The following DMXL1 variants were observed in gnomAD, a reference collection of about 807,000 sequenced individuals.
The protein encoded by DMXL1 is Dmx like 1.
DMXL1 carries 99 observed loss-of-function variants against 319.2 expected under a neutral mutation model. The observed-to-expected ratio is 0.31, with a 90% confidence interval of 0.26 to 0.37. The LOEUF is 0.37. Among genes scored for constraint, DMXL1 ranks in the 10% least tolerant of loss-of-function variants. The pLI is 1.00. For synonymous variants in DMXL1, 1,385 were observed against 1,235.2 expected, an observed-to-expected ratio of 1.12 and a Z score of -2.54; for missense variants, 3,745 against 3,595.6, an observed-to-expected ratio of 1.04 and a Z score of -1.06.
intron 1 of DMXL1, among the ~76,000 whole-genome samples, chr5:119,085,771 AG>A (rs1753223967): frequency 6.6e-6 from 1 of 152,182 alleles, no homozygotes; most frequent in African/African-American, 2.4e-5. Flanking sequence ...CATATCTTAG[AG>A]GAAAAATCTT....
chr5:119,075,440 T>A (rs771616329), intron 1 of DMXL1, among the ~76,000 whole-genome samples: 1 of 151,882 alleles, frequency 6.6e-6, no homozygotes, highest in Admixed American at 6.6e-5. Flanking sequence ...GGTTTCATCA[T>A]GTTGGCCAGG....
intron 5 of DMXL1, among the ~76,000 whole-genome samples, chr5:119,113,198 T>C (rs1760054094): frequency 6.6e-6 from 1 of 152,170 alleles, no homozygotes; most frequent in Non-Finnish European, 1.5e-5. Flanking sequence ...TGCACACATA[T>C]ACACATCTTT....
At chr5:119,138,825 G>A (rs549008819) in intron 13 of DMXL1, 1 of 152,316 alleles carries the variant, frequency 6.6e-6, no homozygotes, top group African/African-American at 2.4e-5. Context: ...GTGACAGAGA[G>A]AGACACCATC....
At chr5:119,171,535 A>G (rs1275555381) in intron 24 of DMXL1, among the ~76,000 whole-genome samples, 4 of 151,764 alleles carry the variant, frequency 2.6e-5, no homozygotes, top group Non-Finnish European at 5.9e-5. Flanking sequence ...GTAGGGTGAC[A>G]GACTTCTTAT....
At chr5:119,162,821 T>G (rs1772559123) in intron 19 of DMXL1, among the ~76,000 whole-genome samples, 1 of 152,224 alleles carries the variant, frequency 6.6e-6, no homozygotes, top group Non-Finnish European at 1.5e-5. Context: ...TAATAGTCCA[T>G]TCACAATGTA....
At chr5:119,117,889 T>G (rs185090097) in intron 7 of DMXL1, among the ~76,000 whole-genome samples, 1 of 152,372 alleles carries the variant, frequency 6.6e-6, no homozygotes, top group East Asian at 1.9e-4. Flanking sequence ...TCATTTACTT[T>G]AACTCACTGA....
intron 19 of DMXL1, among the ~76,000 whole-genome samples, chr5:119,158,332 CTT>C (rs1469159811): frequency 6.6e-6 from 1 of 150,600 alleles, no homozygotes; most frequent in Admixed American, 6.6e-5. Flanking sequence ...ATTTTGTATC[CTT>C]CATGTTTAAT....
Position 119,102,022 on chromosome 5 carries a change from TTTC to T in DMXL1, c.285+22_285+24del, listed in dbSNP as rs1757389811. ...GAAAAATTTGGTCAGTAATTTATGA[TTTC>T]TTCTTTTAGGAATTGAAATGTTTTA... On this transcript the variant is annotated intron_variant, in intron 3 of 43. Transcript: ENST00000539542. 2.0e-6 allele frequency: 3 copies of T among 1,492,992 alleles called. No individual in the cohort carries two copies. The highest frequency in any genetic ancestry group is 1.4e-5 in the African/African-American group (1 of 72,038). The allele number at this position is 1,492,992 out of a possible 1,614,324, so 92.5% of individuals were successfully genotyped here. A position where few individuals can be genotyped will look rare whatever the true frequency, so the allele number is the denominator to read the frequency against.
chr5:119,210,757 G>GTTTTTTTTTTTTTTTTTTTTGT, intron 34 of DMXL1, among the ~76,000 whole-genome samples: 5 of 89,778 alleles, frequency 5.6e-5, no homozygotes, highest in Non-Finnish European at 8.4e-5. Context: ...TTTTTCTTTC[G>GTTTTTTTTTTTTTTTTTTTTGT]TTTTTTTTTT....
At chr5:119,131,664 A>G (rs1764926066) in intron 10 of DMXL1, among the ~76,000 whole-genome samples, 1 of 152,242 alleles carries the variant, frequency 6.6e-6, no homozygotes, top group African/African-American at 2.4e-5. Context: ...GTGGTTAAAT[A>G]TAGAACATCT....
rs756349296 is a variant in DMXL1, at chr5:119,110,266, A to G, written c.480A>G (p.Lys160=). The G allele has an allele frequency of 6.4e-7, 1 of 1,571,558 alleles. No individual in the cohort carries two copies. Among genetic ancestry groups the G allele is most frequent in the Non-Finnish European group, 8.6e-7 (1 of 1,167,066 alleles). ...NKTDLNFGDW[K]CIWHCKTASQ... The stretch of plus-strand genomic sequence containing the variant: ...CAGATCTTAACTTTGGAGATTGGAA[A>G]TGCATTTGGCATTGCAAGTAAGCAA... The change falls in exon 5 of 44, where the codon AAA becomes AAG. Residue 160 remains lysine (K), a synonymous_variant. Transcript: ENST00000539542.
chr5:119,189,988 T>C, intron 29 of DMXL1, 102 bp downstream of exon 29: 2 of 1,212,578 alleles, frequency 1.6e-6, no homozygotes, highest in South Asian at 1.6e-5. Flanking sequence ...TTTCCCACTT[T>C]GGTTTAGAAA....
At chr5:119,229,871 T>C (rs1786339748) in intron 38 of DMXL1, among the ~76,000 whole-genome samples, 1 of 152,186 alleles carries the variant, frequency 6.6e-6, no homozygotes, top group Non-Finnish European at 1.5e-5. Context: ...CATAGTATAG[T>C]TTTTCAGTGT....
chr5:119,087,031 G>C (rs1041189305), intron 1 of DMXL1, among the ~76,000 whole-genome samples: 1 of 151,804 alleles, frequency 6.6e-6, no homozygotes, highest in East Asian at 1.9e-4. Flanking sequence ...CTTTGATCTA[G>C]TTGTTTTGTC....
intron 1 of DMXL1, among the ~76,000 whole-genome samples, chr5:119,073,810 T>C (rs1339733653): frequency 6.6e-6 from 1 of 152,212 alleles, no homozygotes; most frequent in Non-Finnish European, 1.5e-5. Flanking sequence ...CTTACGCTCA[T>C]TATCCTGGAC....
intron 25 of DMXL1, among the ~76,000 whole-genome samples, chr5:119,173,336 G>A (rs1472935336): frequency 5.5e-5 from 8 of 146,394 alleles, no homozygotes; most frequent in East Asian, 2.0e-4. Context: ...GCAAAACTCC[G>A]CGCCCACCCC....
chr5:119,157,532 C>G (rs1376046967), intron 19 of DMXL1, among the ~76,000 whole-genome samples: 1 of 152,178 alleles, frequency 6.6e-6, no homozygotes, highest in African/African-American at 2.4e-5. Flanking sequence ...TTTCATTCTT[C>G]TGCATGTGGT....
chr5:119,189,594 T>C, intron 28 of DMXL1, 114 bp from the exon 29 acceptor site: 1 of 928,526 alleles, frequency 1.1e-6, no homozygotes, highest in South Asian at 1.7e-5. Flanking sequence ...ATAATCTCAA[T>C]CTTATTTTTT....
At chr5:119,144,889 A>C (rs970371048) in intron 15 of DMXL1, among the ~76,000 whole-genome samples, 1 of 151,786 alleles carries the variant, frequency 6.6e-6, no homozygotes, top group Admixed American at 6.6e-5. Flanking sequence ...TATTATTAAC[A>C]TATGAGAGCT....
Sources: gnomAD v4.1 joint callset for allele counts (sites outside exome capture counted in the v4.1 genomes callset) on GRCh38, gnomAD v4.1.1 for gene constraint, MANE v1.5 for transcripts, NCBI Gene and HGNC (gene_info 2026-07-23, HGNC 2026-07-21) for gene names.